Variants in ZCCHC2 observed in about 807,000 individuals in gnomAD.
ZCCHC2 encodes the protein zinc finger CCHC domain-containing protein 2.
In ZCCHC2, 39 loss-of-function variants were observed where a neutral mutation model predicts 103.6. That is an observed-to-expected ratio of 0.38 (90% CI 0.29 to 0.49). ZCCHC2 has a LOEUF of 0.49. Ranked by LOEUF, ZCCHC2 falls within the 20% of genes least tolerant of loss-of-function variation. ZCCHC2 has a pLI of 0.96. For synonymous variants in ZCCHC2, 687 were observed against 608.9 expected (o/e 1.13, Z -1.89); for missense variants, 1,483 against 1,491.0 (o/e 0.99, Z 0.09).
chr18:62,524,870 C>T (rs533053845), intron 1 of ZCCHC2: 51 of 157,378 alleles, frequency 3.2e-4, no homozygotes, highest in Admixed American at 7.8e-4. Flanking sequence ...AAGGTGCGCT[C>T]CCGGCGAGCT....
chr18:62,559,210 A>G (rs1916017393), intron 7 of ZCCHC2, among the ~76,000 whole-genome samples: 1 of 152,262 alleles, frequency 6.6e-6, no homozygotes, highest in Non-Finnish European at 1.5e-5. Flanking sequence ...AAAAGGAACC[A>G]TATAGCCAGG....
At chr18:62,539,520 G>C (rs554413551) in intron 1 of ZCCHC2, 161 bp from the exon 2 acceptor site, 38 of 525,918 alleles carry the variant, frequency 7.2e-5, no homozygotes, top group Non-Finnish European at 1.3e-4. Flanking sequence ...TTCTGCTTGC[G>C]GCTCTCACAC....
At chr18:62,583,651 GAATAAAAA>G (rs58181917) in intron 14 of ZCCHC2, among the ~76,000 whole-genome samples, 51,933 of 149,778 alleles carry the variant, frequency 0.35, 9,353 homozygotes, top group East Asian at 0.77. Context: ...AATCTTAAAA[GAATAAAAA>G]AATACTGACC....
At chr18:62,530,687 G>A (rs910377612) in intron 1 of ZCCHC2, among the ~76,000 whole-genome samples, 5 of 152,168 alleles carry the variant, frequency 3.3e-5, no homozygotes, top group African/African-American at 9.7e-5. Context: ...TACTTGTAAA[G>A]ATGCAGTGTT....
In ZCCHC2 at chr18:62,524,825, T is replaced by C. The variant is rs372060349; in HGVS notation, c.939+462T>C. 1.2e-4 allele frequency: 20 copies of C among 162,446 alleles called. No individual in the cohort carries two copies. The East Asian group carries it at 2.0e-3, about 16-fold the overall frequency. The allele number at this position is 162,446 out of a possible 1,614,324, so 10.1% of individuals were successfully genotyped here. On this transcript the variant is annotated intron_variant, in intron 1 of 13. Coordinates refer to ENST00000269499, the MANE Select transcript of ZCCHC2 (RefSeq NM_017742.6). The stretch of plus-strand genomic sequence containing the variant: ...CCTGGCCGGGGCTCCGCCTCCCGTC[T>C]CCGGGCTCTGCCGGGCCCTCGGCGG...
intron 14 of ZCCHC2, chr18:62,584,401 G>A (rs892252991): frequency 1.3e-5 from 2 of 152,196 alleles, no homozygotes; most frequent in East Asian, 3.9e-4. Context: ...GTGGTGAGGT[G>A]GGGGGTTGGG....
Position 62,523,375 on chromosome 18 carries a change from G to GGGGGGGCC in ZCCHC2, c.-49_-48insGGGGGCCG. 1 of 1,009,540 alleles carries GGGGGGGCC rather than the reference G, an allele frequency of 9.9e-7. No homozygotes were observed. Among genetic ancestry groups the GGGGGGGCC allele is most frequent in the South Asian group, 3.7e-5 (1 of 27,026 alleles). 62.5% of individuals were successfully genotyped at this position (1,009,540 alleles called of 1,614,324 possible). ...CGCCTCGGCCCGTGCTCCACCTCGCGGCCCCTCCCGCCCGCCCCCGCTCGC... is the reference window on the plus strand; with the variant it reads ...CGCCTCGGCCCGTGCTCCACCTCGCGGGGGGGCCGCCCCTCCCGCCCGCCCCCGCTCGC... On this transcript the variant is annotated 5_prime_UTR_variant, in exon 1 of 14. Transcript: ENST00000269499.
Position 62,576,797 on chromosome 18 carries a change from G to T in ZCCHC2, c.*218G>T. 2 of 428,034 alleles carry T rather than the reference G, an allele frequency of 4.7e-6. No individual in the cohort carries two copies. Among genetic ancestry groups the T allele is most frequent in the South Asian group, 3.2e-5 (1 of 31,564 alleles). 26.5% of individuals were successfully genotyped at this position (428,034 alleles called of 1,614,324 possible). ...GGTTCAACAACAGGCTTATATGTAT[G>T]ATACATGTAATTTAAACCTTCAGAC... On this transcript the variant is annotated 3_prime_UTR_variant, in exon 14 of 14. Transcript: ENST00000269499.
intron 9 of ZCCHC2, among the ~76,000 whole-genome samples, chr18:62,564,197 C>T (rs1026466713): frequency 6.6e-6 from 1 of 152,212 alleles, no homozygotes; most frequent in Admixed American, 6.5e-5. Context: ...CCAGTGCCTG[C>T]ACCCTCTCTT....
At chr18:62,537,025 C>T (rs1021014339) in intron 1 of ZCCHC2, among the ~76,000 whole-genome samples, 1 of 152,020 alleles carries the variant, frequency 6.6e-6, no homozygotes, top group African/African-American at 2.4e-5. Context: ...TCATTTTCTC[C>T]TTTTTAGTGT....
chr18:62,559,470 C>T (rs1259373919), intron 7 of ZCCHC2, among the ~76,000 whole-genome samples: 2 of 152,220 alleles, frequency 1.3e-5, no homozygotes, highest in South Asian at 2.1e-4. Flanking sequence ...ATTGACAAAA[C>T]ATTTTGGAGT....
Position 62,542,550 on chromosome 18 carries a change from C to A in ZCCHC2, c.1104C>A (p.Asp368Glu). The A allele has an allele frequency of 6.4e-7, 1 of 1,564,626 alleles. No homozygotes were observed. Among genetic ancestry groups the A allele is most frequent in the Non-Finnish European group, 8.7e-7 (1 of 1,153,198 alleles). The change falls in exon 3 of 14, where the codon GAC (aspartate) becomes GAA (glutamate). Residue 368 changes from aspartate to glutamate, a missense_variant. By Grantham distance (45) the Asp-to-Glu change is conservative. Transcript: ENST00000269499. ...AAGGAGTCCAGAGAAAAAGAGCTGACAAATACTGGGAGTACACTTTCAAAG... is the reference window on the plus strand; with the variant it reads ...AAGGAGTCCAGAGAAAAAGAGCTGAAAAATACTGGGAGTACACTTTCAAAG... ...MLKGVQRKRA[D>E]KYWEYTFKVN...
Position 62,566,950 on chromosome 18 carries a change from T to C in ZCCHC2, c.1846+1854T>C, listed in dbSNP as rs552095935. Among the ~76,000 whole-genome samples the C allele has an allele frequency of 2.6e-5, 4 of 152,372 alleles. No homozygotes were observed. The South Asian group carries it at 8.3e-4, about 32-fold the overall frequency. Reference sequence around the variant, plus strand: ...ACATTGTATAGGTTATTAAGAACTTTGTAACAGCATCACAAACTCCCATTC... The same window carrying C: ...ACATTGTATAGGTTATTAAGAACTTCGTAACAGCATCACAAACTCCCATTC... On this transcript the variant is annotated intron_variant, in intron 11 of 13. Transcript: ENST00000269499.
intron 8 of ZCCHC2, among the ~76,000 whole-genome samples, chr18:62,562,488 T>C (rs1916165351): frequency 6.6e-6 from 1 of 152,220 alleles, no homozygotes; most frequent in African/African-American, 2.4e-5. Context: ...TTCTATAATT[T>C]ACTTTTTTTT....
At position 62,578,052 on chromosome 18, in the gene ZCCHC2, C is replaced by T. The variant is rs1412634914; in HGVS notation, c.*1473C>T. On this transcript the variant is annotated 3_prime_UTR_variant, in exon 14 of 14. Coordinates refer to ENST00000269499, the MANE Select transcript of ZCCHC2 (RefSeq NM_017742.6). ...CTTGGTTCAGAAGCCTAACAGATTG[C>T]TAGACAAGAGAAAAAACTTGAAGAA... The T allele has an allele frequency of 6.6e-6, 1 of 152,214 alleles. No individual in the cohort carries two copies. Among genetic ancestry groups the T allele is most frequent in the Non-Finnish European group, 1.5e-5 (1 of 67,996 alleles). The allele number at this position is 152,214 out of a possible 1,614,324, so 9.4% of individuals were successfully genotyped here.
Position 62,528,878 on chromosome 18 carries a change from T to C in ZCCHC2, c.939+4515T>C, listed in dbSNP as rs1042460852. Among the ~76,000 whole-genome samples the C allele has an allele frequency of 2.6e-5, 4 of 151,846 alleles. No homozygotes were observed. In the East Asian group the frequency reaches 7.8e-4, roughly 30 times the overall value. ...GCAGGCACTAAAAAAGATGATTTTTTGGCCAGGCGCAGTGGCTCACGCCTG... is the reference window on the plus strand; with the variant it reads ...GCAGGCACTAAAAAAGATGATTTTTCGGCCAGGCGCAGTGGCTCACGCCTG... On this transcript the variant is annotated intron_variant, in intron 1 of 13. Transcript: ENST00000269499.
intron 12 of ZCCHC2, 42 bp from the exon 13 acceptor site, chr18:62,574,015 G>A (rs1321914140): frequency 2.6e-6 from 4 of 1,557,770 alleles, no homozygotes; most frequent in Non-Finnish European, 3.5e-6. Flanking sequence ...AAAGATGGGA[G>A]TTATGCCCGT....
rs534363787 is a variant in ZCCHC2, at chr18:62,541,410, C to A, written c.1052-1088C>A. On this transcript the variant is annotated intron_variant, in intron 2 of 13. Coordinates refer to ENST00000269499, the MANE Select transcript of ZCCHC2 (RefSeq NM_017742.6). ...TCATGCCTTCTCACTGCCCACCTTC[C>A]GTGGTCTTTTAACAGTCTTACTCCT... Among the ~76,000 whole-genome samples the A allele has an allele frequency of 4.6e-5, 7 of 152,168 alleles. No individual in the cohort carries two copies. In the South Asian group the frequency reaches 1.4e-3, roughly 31 times the overall value.
chr18:62,557,181 G>A (rs1915921538), intron 6 of ZCCHC2, among the ~76,000 whole-genome samples: 1 of 152,040 alleles, frequency 6.6e-6, no homozygotes, highest in Non-Finnish European at 1.5e-5. Flanking sequence ...TTTCACCACT[G>A]TCTGCCTTGT....
Sources: gnomAD v4.1 joint callset for allele counts (sites outside exome capture counted in the v4.1 genomes callset) on GRCh38, gnomAD v4.1.1 for gene constraint, MANE v1.5 for transcripts, NCBI Gene and HGNC (gene_info 2026-07-23, HGNC 2026-07-21) for gene names.